MALRD1: variants seen among roughly 807,000 people sequenced by gnomAD.
MALRD1 encodes the protein MAM and LDL-receptor class A domain-containing protein 1.
Under a neutral mutation model 242.1 loss-of-function variants are expected in MALRD1, and 247 were observed. The ratio of observed to expected loss-of-function variants is 1.02; its 90% CI spans 0.92 to 1.13. MALRD1 has a LOEUF of 1.13. Among genes scored for constraint, MALRD1 ranks in the 50% most tolerant of loss-of-function variants. MALRD1 has a pLI of 0.00. For missense variants in MALRD1, 2,989 were observed against 2,533.1 expected (o/e 1.18, Z -3.86); for synonymous variants, 995 against 866.6 (o/e 1.15, Z -2.60).
intron 29 of MALRD1, among the ~76,000 whole-genome samples, chr10:19,462,444 G>T (rs749276962): frequency 1.2e-4 from 19 of 152,320 alleles, no homozygotes; most frequent in Admixed American, 2.0e-4. Context: ...TTCTGCCTCC[G>T]GATCAATCCG....
chr10:19,463,553 AGTGTGT>A (rs142025703), intron 29 of MALRD1, among the ~76,000 whole-genome samples: 13,949 of 150,064 alleles, frequency 0.093, 652 homozygotes, highest in Admixed American at 0.11. Flanking sequence ...GTGGCTGAGT[AGTGTGT>A]GTGTGTGTGT....
intron 21 of MALRD1, among the ~76,000 whole-genome samples, chr10:19,297,490 G>A (rs1841760372): frequency 6.6e-6 from 1 of 151,806 alleles, no homozygotes; most frequent in East Asian, 1.9e-4. Flanking sequence ...TGGGGTAAGA[G>A]TATAGATCAT....
Position 19,347,982 on chromosome 10 carries a change from A to G in MALRD1, c.4113A>G (p.Ser1371=). 1 of 1,550,518 alleles carries G rather than the reference A, an allele frequency of 6.4e-7. No individual in the cohort carries two copies. The highest frequency in any genetic ancestry group is 8.7e-7 in the Non-Finnish European group (1 of 1,146,856). The change falls in exon 25 of 40, where the codon TCA becomes TCG. Residue 1371 remains serine (S), a synonymous_variant. Transcript: ENST00000454679. ...PQQPMRAARI[S]SPVISKRSKN... is the part of the protein sequence containing the mutation. The stretch of plus-strand genomic sequence containing the variant: ...AGCCCATGAGAGCTGCCAGAATTTC[A>G]AGTCCAGTTATAAGTAAGAGAAGCA...
intron 19 of MALRD1, among the ~76,000 whole-genome samples, chr10:19,259,647 A>G (rs1012343588): frequency 5.3e-5 from 8 of 152,132 alleles, no homozygotes; most frequent in African/African-American, 1.9e-4. Context: ...TAGGAGCCAT[A>G]ATTCAAGATG....
At chr10:19,699,298 A>AAGGAGGGAAAGGAGGGAG (rs1833514110) in intron 38 of MALRD1, among the ~76,000 whole-genome samples, 1 of 151,204 alleles carries the variant, frequency 6.6e-6, no homozygotes, top group African/African-American at 2.4e-5. Context: ...AAAGGAGGGA[A>AAGGAGGGAAAGGAGGGAG]AGGAGGGAAA....
intron 28 of MALRD1, among the ~76,000 whole-genome samples, chr10:19,441,600 CCTT>C (rs1272620849): frequency 3.3e-5 from 5 of 151,046 alleles, no homozygotes; most frequent in Non-Finnish European, 7.4e-5. Flanking sequence ...AATAGGGAAT[CCTT>C]CTAGTTTTTG....
At chr10:19,705,804 TAA>T (rs61437328) in intron 38 of MALRD1, among the ~76,000 whole-genome samples, 13 of 102,848 alleles carry the variant, frequency 1.3e-4, no homozygotes, top group Non-Finnish European at 1.6e-4. Flanking sequence ...CCTGCAATAG[TAA>T]AAAAAAAAAA....
chr10:19,728,838 A>G (rs1012379578), intron 38 of MALRD1, among the ~76,000 whole-genome samples: 1 of 152,202 alleles, frequency 6.6e-6, no homozygotes, highest in African/African-American at 2.4e-5. Flanking sequence ...TGCACTAACC[A>G]TGCTATGTAC....
chr10:19,310,653 T>G (rs954138155), intron 21 of MALRD1, among the ~76,000 whole-genome samples: 2 of 151,508 alleles, frequency 1.3e-5, no homozygotes, highest in African/African-American at 2.4e-5. Flanking sequence ...TGGCCCAGGC[T>G]TCTTGTTTTG....
At chr10:19,463,066 T>C (rs1199200876) in intron 29 of MALRD1, among the ~76,000 whole-genome samples, 1 of 152,198 alleles carries the variant, frequency 6.6e-6, no homozygotes, top group African/African-American at 2.4e-5. Context: ...AACTAAGTTG[T>C]ATTACTAGGA....
chr10:19,209,562 CA>C lies in MALRD1; in HGVS notation c.2875del (p.Ile959SerfsTer85), dbSNP rs754705357. On this transcript the variant is annotated frameshift_variant, in exon 18 of 40. Transcript: ENST00000454679. LOFTEE classifies it high-confidence loss of function. ...TTTGGAAAGCGCATTTATAGGTTGG[CA>C]ATCTACCAACGAATCTGGAGTGACT... ...HMFGKRIYRL[A>X]IYQRIWSDSR... The C allele has an allele frequency of 1.9e-5, 30 of 1,550,812 alleles. No individual in the cohort carries two copies. In the South Asian group the frequency reaches 3.4e-4, roughly 18 times the overall value.
intron 21 of MALRD1, among the ~76,000 whole-genome samples, chr10:19,298,726 G>A (rs911820211): frequency 2.0e-5 from 3 of 152,008 alleles, no homozygotes; most frequent in Non-Finnish European, 4.4e-5. Context: ...AGCAGCATGA[G>A]CGGGTGAGAA....
At chr10:19,221,882 A>G (rs565893678) in intron 18 of MALRD1, among the ~76,000 whole-genome samples, 4 of 151,548 alleles carry the variant, frequency 2.6e-5, no homozygotes, top group African/African-American at 9.6e-5. Flanking sequence ...AAAGGCAGGA[A>G]GGAAAGAAGG....
chr10:19,607,186 T>C (rs1189020626), intron 34 of MALRD1, among the ~76,000 whole-genome samples: 1 of 152,180 alleles, frequency 6.6e-6, no homozygotes, highest in Admixed American at 6.5e-5. Context: ...ATGCATTTGA[T>C]GATATGTGTA....
chr10:19,306,061 C>CTATACTATATATACTA lies in MALRD1; in HGVS notation c.3420-17864_3420-17849dup, dbSNP rs1350550233. Among the ~76,000 whole-genome samples, 134 of 98,054 alleles carry CTATACTATATATACTA rather than the reference C, an allele frequency of 1.4e-3. 2 individuals carry two copies. The highest frequency in any genetic ancestry group is 4.4e-3 in the African/African-American group (103 of 23,260). 64.3% of individuals were successfully genotyped at this position (98,054 alleles called of 152,430 possible). ...ATTATATAGTATACAATTTATTATACTATACTATATATACTATATACTATA... is the reference window on the plus strand; with the variant it reads ...ATTATATAGTATACAATTTATTATACTATACTATATATACTATATACTATATATACTATATACTATA... On this transcript the variant is annotated intron_variant, in intron 21 of 39. Coordinates refer to ENST00000454679, the MANE Select transcript of MALRD1 (RefSeq NM_001142308.3).
At chr10:19,572,379 C>A (rs562662653) in intron 33 of MALRD1, among the ~76,000 whole-genome samples, 191 of 152,274 alleles carry the variant, frequency 1.3e-3, no homozygotes, top group African/African-American at 4.4e-3. Context: ...CATTTGACAG[C>A]ACTGTTAGGA....
At chr10:19,292,553 A>G (rs147406631) in intron 21 of MALRD1, among the ~76,000 whole-genome samples, 7 of 152,230 alleles carry the variant, frequency 4.6e-5, no homozygotes, top group African/African-American at 1.4e-4. Flanking sequence ...TCCTATCTGT[A>G]TTATACATTT....
At chr10:19,584,352 G>C (rs1837284831) in intron 33 of MALRD1, among the ~76,000 whole-genome samples, 1 of 152,022 alleles carries the variant, frequency 6.6e-6, no homozygotes, top group South Asian at 2.1e-4. Flanking sequence ...GCTTTCTCTT[G>C]TGGGCATTTA....
chr10:19,587,186 T>G (rs1470745678), intron 33 of MALRD1, among the ~76,000 whole-genome samples: 1 of 152,234 alleles, frequency 6.6e-6, no homozygotes, highest in African/African-American at 2.4e-5. Flanking sequence ...TCACCCATCT[T>G]CTGCGTCACT....
Sources: gnomAD v4.1 joint callset for allele counts (sites outside exome capture counted in the v4.1 genomes callset) on GRCh38, gnomAD v4.1.1 for gene constraint, MANE v1.5 for transcripts, NCBI Gene and HGNC (gene_info 2026-07-23, HGNC 2026-07-21) for gene names.